The following PSG4 variants were observed in gnomAD, a reference collection of about 807,000 sequenced individuals.
PSG4 encodes the protein pregnancy specific beta-1-glycoprotein 4, also known as pregnancy-specific beta-1-glycoprotein 4.
Under a neutral mutation model 44.3 loss-of-function variants are expected in PSG4, and 61 were observed. The observed-to-expected ratio is 1.38, with a 90% CI of 1.12 to 1.70. PSG4 has a LOEUF of 1.70. PSG4 is among the 40% of genes most tolerant of loss of function. The pLI, the probability that PSG4 is intolerant of heterozygous loss-of-function variation, is 0.00. For synonymous variants in PSG4, 248 were observed against 191.3 expected (o/e 1.30, Z -2.45); for missense variants, 677 against 511.7 (o/e 1.32, Z -3.12).
rs748293953 is a variant in PSG4 at position 43,204,024 on chromosome 19, T to G, written c.292A>C (p.Arg98=). Residue 98 remains arginine, a synonymous_variant, in exon 2 of 6, where the codon AGA becomes CGA. Coordinates refer to ENST00000405312, the MANE Select transcript of PSG4 (RefSeq NM_002780.5). ...RIIYGPAYSG[R]ERVYSNASLL... is the part of the protein sequence containing the mutation. ...GATGCATTGGAATATACTCTTTCTC[T>G]TCCACTGTATGCAGGCCCATATATA... The G allele has an allele frequency of 9.4e-6, 15 of 1,587,972 alleles. 1 individual carries two copies. The highest frequency in any genetic ancestry group is 4.3e-5 in the African/African-American group (3 of 69,948).
rs760261476 is a variant in PSG4, at chr19:43,195,262, T to C, written c.721A>G (p.Lys241Glu). 1.2e-6 allele frequency: 2 copies of C among 1,610,390 alleles called. No individual in the cohort carries two copies. ...VTLNLLPKLSKPYITINNLNP... is the reference protein window; with the variant it reads ...VTLNLLPKLSEPYITINNLNP... ...AAGTTGTTGATTGTGATGTAGGGCTTGGACAGCTTTGCTGTGTGGATAACA... is the reference window on the plus strand; with the variant it reads ...AAGTTGTTGATTGTGATGTAGGGCTCGGACAGCTTTGCTGTGTGGATAACA... The change falls in exon 4 of 6, where the codon AAG becomes GAG. Residue 241 changes from lysine to glutamate, a missense_variant. By Grantham distance (56) the Lys-to-Glu change is moderately conservative. Coordinates refer to ENST00000405312, the MANE Select transcript of PSG4 (RefSeq NM_002780.5).
chr19:43,204,417 C>T lies in PSG4; in HGVS notation c.65-166G>A. 3 of 971,982 alleles carry T rather than the reference C, an allele frequency of 3.1e-6. 1 individual carries two copies. Among genetic ancestry groups the T allele is most frequent in the East Asian group, 6.9e-5 (2 of 29,196 alleles). 60.2% of individuals were successfully genotyped at this position (971,982 alleles called of 1,614,324 possible). A position where few individuals can be genotyped will look rare whatever the true frequency, so the allele number is the denominator to read the frequency against. On this transcript the variant is annotated intron_variant, in intron 1 of 5. Coordinates refer to ENST00000405312, the MANE Select transcript of PSG4 (RefSeq NM_002780.5). ...CGTGAGTGTATGTGTGTGTGTCCTA[C>T]TGTCCCACTAGGTCAAGATCAGCAG...
chr19:43,198,453 G>C, intron 2 of PSG4, 178 bp from the exon 3 acceptor site: 1 of 1,160,966 alleles, frequency 8.6e-7, no homozygotes, highest in Non-Finnish European at 1.2e-6. Context: ...AGATTGTGAG[G>C]CTGCCTGCTT....
Position 43,204,268 on chromosome 19 carries a change from G to C in PSG4, c.65-17C>G, listed in dbSNP as rs771262022. On this transcript the variant is annotated splice_polypyrimidine_tract_variant and intron_variant, in intron 1 of 5. Transcript: ENST00000405312. ...AAAGTGATGCTAGGAGGTACAGAGAGCATCAGTTAATATTGAGACCTATGT... is the reference window on the plus strand; with the variant it reads ...AAAGTGATGCTAGGAGGTACAGAGACCATCAGTTAATATTGAGACCTATGT... 1 of 1,554,264 alleles carries C rather than the reference G, an allele frequency of 6.4e-7. No individual in the cohort carries two copies. Among genetic ancestry groups the C allele is most frequent in the Non-Finnish European group, 8.7e-7 (1 of 1,154,876 alleles).
At chr19:43,202,571 G>T (rs1473926428) in intron 2 of PSG4, among the ~76,000 whole-genome samples, 2 of 144,520 alleles carry the variant, frequency 1.4e-5, no homozygotes, top group African/African-American at 5.3e-5. Flanking sequence ...CTCTCGCTGG[G>T]CCTGTGCTGG....
chr19:43,199,088 G>A (rs1411458323), intron 2 of PSG4, among the ~76,000 whole-genome samples: 1 of 146,408 alleles, frequency 6.8e-6, no homozygotes, highest in Non-Finnish European at 1.5e-5. Context: ...GTTTGCAAAT[G>A]CAGAACTGAC....
chr19:43,204,350 AC>A, intron 1 of PSG4, 99 bp from the exon 2 acceptor site: 1 of 1,345,810 alleles, frequency 7.4e-7, no homozygotes, highest in Non-Finnish European at 1.0e-6. Flanking sequence ...CCTTGAAGAC[AC>A]ACAAACACAC....
At chr19:43,195,876 A>T (rs1967224493) in intron 3 of PSG4, among the ~76,000 whole-genome samples, 1 of 150,272 alleles carries the variant, frequency 6.7e-6, no homozygotes, top group Non-Finnish European at 1.5e-5. Context: ...AGTGTTTTGC[A>T]GGTGTTTCAT....
In PSG4 at chr19:43,198,186, G is replaced by C. The variant is rs759940767; in HGVS notation, c.520C>G (p.Pro174Ala). Residue 174 changes from proline (P) to alanine (A), a missense_variant, in exon 3 of 6, where the codon CCA becomes GCA. Transcript: ENST00000405312. ...AVILTCDPAT[P>A]AASYQWWMNG... ...ATCCACCACTGGTAGCTTGCGGCTGGAGTCGCAGGATCACAGGTTAAGATC... is the reference window on the plus strand; with the variant it reads ...ATCCACCACTGGTAGCTTGCGGCTGCAGTCGCAGGATCACAGGTTAAGATC... 3.8e-6 allele frequency: 6 copies of C among 1,587,692 alleles called. No homozygotes were observed. The highest frequency in any genetic ancestry group is 5.3e-5 in the East Asian group (2 of 37,574).
rs750510200 is a variant in PSG4 at position 43,193,708 on chromosome 19, C to A, written c.1244-320G>T. The A allele has an allele frequency of 3.9e-4, 210 of 541,314 alleles. 4 individuals are homozygous for A. The Middle Eastern group carries it at 7.5e-3, about 19-fold the overall frequency. The allele number at this position is 541,314 out of a possible 1,614,324, so 33.5% of individuals were successfully genotyped here. A position where few individuals can be genotyped will look rare whatever the true frequency, so the allele number is the denominator to read the frequency against. ...TTGAGAATAGGAAGCCAAACCAAGG[C>A]TGACTTCAGACTTTGCCTGCAGTTC... On this transcript the variant is annotated intron_variant, in intron 5 of 5. Transcript: ENST00000405312.
In PSG4 at chr19:43,194,894, A is replaced by G; in HGVS notation, c.988+101T>C. On this transcript the variant is annotated intron_variant, in intron 4 of 5. Transcript: ENST00000405312. ...GGCCACCTCGGATGTCCAGAAGTAA[A>G]GGTGTCTATACTTGGACTGGAGAGA... is the stretch of plus-strand genomic sequence containing the variant. 3 of 1,552,738 alleles carry G rather than the reference A, an allele frequency of 1.9e-6. No individual in the cohort carries two copies. In the South Asian group the frequency reaches 3.8e-5, roughly 20 times the overall value.
rs776064602 is a variant in PSG4 at position 43,194,515 on chromosome 19, G to A, written c.1068C>T (p.Ala356=). 5.6e-6 allele frequency: 9 copies of A among 1,612,352 alleles called. No individual in the cohort carries two copies. The highest frequency in any genetic ancestry group is 4.4e-5 in the South Asian group (4 of 91,044). Residue 356 remains alanine, a synonymous_variant, in exon 5 of 6, where the codon GCC becomes GCT. Transcript: ENST00000405312. ...AATATTGTGCCCGTGGGTTAGACTC[G>A]GCGAAGCAGGACAAGTAGAGGTTTT... ...SGENLYLSCF[A]ESNPRAQYSW...
At chr19:43,199,205 T>C (rs1381188126) in intron 2 of PSG4, among the ~76,000 whole-genome samples, 1 of 145,818 alleles carries the variant, frequency 6.9e-6, no homozygotes, top group Non-Finnish European at 1.5e-5. Flanking sequence ...TGCAGATACT[T>C]TCTCTCATTA....
chr19:43,199,193 C>G (rs1967395677), intron 2 of PSG4, among the ~76,000 whole-genome samples: 1 of 145,884 alleles, frequency 6.9e-6, no homozygotes, highest in Non-Finnish European at 1.5e-5. Context: ...GGGAAGAAGT[C>G]TTGCAGATAC....
intron 1 of PSG4, 140 bp downstream of exon 1, chr19:43,205,333 T>G: frequency 9.3e-7 from 1 of 1,071,178 alleles, no homozygotes; most frequent in Non-Finnish European, 1.3e-6. Flanking sequence ...GATCTTGAAC[T>G]CCTGATCTCC....
rs1401466806 is a variant in PSG4, at chr19:43,194,837, C to T, written c.988+158G>A. On this transcript the variant is annotated intron_variant, in intron 4 of 5. Transcript: ENST00000405312. ...CCTTATATTCTTGGTTAAGGCTGTG[C>T]CTACCTAGGTTTTCCCAGGGCAGGG... The T allele has an allele frequency of 1.1e-5, 16 of 1,481,404 alleles. No homozygotes were observed. The African/African-American group carries it at 1.4e-4, about 13-fold the overall frequency. 91.8% of individuals were successfully genotyped at this position (1,481,404 alleles called of 1,614,324 possible).
chr19:43,205,111 C>CTTTTTTTTTTTTT (rs59165427), intron 1 of PSG4, among the ~76,000 whole-genome samples: 3,579 of 90,454 alleles, frequency 0.04, 525 homozygotes, highest in South Asian at 0.056. Context: ...TTCCTTTTTT[C>CTTTTTTTTTTTTT]TTTTTTTTTT....
rs1485939795 is a variant in PSG4, at chr19:43,204,935, A to G, written c.64+538T>C. 3 of 305,852 alleles carry G rather than the reference A, an allele frequency of 9.8e-6. 1 individual carries two copies. The highest frequency in any genetic ancestry group is 8.2e-5 in the African/African-American group (3 of 36,702). The allele number at this position is 305,852 out of a possible 1,614,324, so 18.9% of individuals were successfully genotyped here. On this transcript the variant is annotated intron_variant, in intron 1 of 5. Transcript: ENST00000405312. ...TATAGTTATTGTTATCATTTTTCAA[A>G]ATATGGTGGCCCCTGATGATTAATC...
rs143008288 is a variant in PSG4 at position 43,198,268 on chromosome 19, A to T, written c.438T>A (p.Thr146=). ...GHFTFTLHLE[T]PKPSISSSNL... ...TGCTGCTGGAGATGGAGGGCTTGGG[A>T]GTCTCCACTGTGCAGAAAACAGAGA... The change falls in exon 3 of 6, where the codon ACT becomes ACA. Residue 146 remains threonine (T), a synonymous_variant. Transcript: ENST00000405312. The T allele has an allele frequency of 3.7e-4, 582 of 1,585,810 alleles. 47 individuals are homozygous for T. The South Asian group carries it at 6.2e-3, about 17-fold the overall frequency.
Sources: allele counts gnomAD v4.1 joint callset (sites outside exome capture counted in the v4.1 genomes callset), GRCh38; gene constraint gnomAD v4.1.1; transcripts MANE v1.5; gene names NCBI Gene and HGNC (gene_info 2026-07-23, HGNC 2026-07-21).